DDX5: variants seen among roughly 807,000 people sequenced by gnomAD.
The protein encoded by DDX5 is probable ATP-dependent RNA helicase DDX5.
A neutral mutation model predicts 68.6 loss-of-function variants in DDX5; 6 were observed. That is an observed-to-expected ratio of 0.09 (90% CI 0.05 to 0.17). The LOEUF (loss-of-function observed/expected upper bound fraction) is 0.17, where lower values mean the gene tolerates loss of function less well. Among genes scored for constraint, DDX5 ranks in the 10% least tolerant of loss-of-function variants. The pLI, the probability that DDX5 is intolerant of heterozygous loss-of-function variation, is 1.00. For synonymous variants in DDX5, 350 were observed against 247.0 expected (o/e 1.42, Z -3.91); for missense variants, 499 against 756.1 (o/e 0.66, Z 3.99).
rs782568170 is a variant in DDX5 at position 64,504,680 on chromosome 17, T to C, written c.207A>G (p.Thr69=). The C allele has an allele frequency of 1.3e-5, 21 of 1,611,904 alleles. No homozygotes were observed. The highest frequency in any genetic ancestry group is 1.8e-5 in the Non-Finnish European group (21 of 1,179,272). The stretch of plus-strand genomic sequence containing the variant: ...GAAGCCACATGAATTTACTCACTGC[T>C]GTGCGCCTAGCCAAATCAGGGTGCT... The part of the protein sequence containing the change: ...YQEHPDLARR[T]AQEVETYRRS... The change falls in exon 2 of 13, where the codon ACA becomes ACG. Residue 69 remains threonine, a synonymous_variant. Transcript: ENST00000225792.
At position 64,503,323 on chromosome 17, in the gene DDX5, A is replaced by C. The variant is rs201938017; in HGVS notation, c.675T>G (p.Pro225=). 2 of 1,614,260 alleles carry C rather than the reference A, an allele frequency of 1.2e-6. No homozygotes were observed. Among genetic ancestry groups the C allele is most frequent in the African/African-American group, 2.7e-5 (2 of 75,068 alleles). The part of the protein sequence containing the change: ...ERGVEICIAT[P]GRLIDFLECG... ...ACTCTAAAAAGTCAATCAGTCTTCC[A>C]GGTGTTGCAATACAGATTTCCACAC... The change falls in exon 7 of 13, where the codon CCT becomes CCG. Residue 225 remains proline, a synonymous_variant. Transcript: ENST00000225792.
At chr17:64,504,550 C>A (rs1232468153) in intron 2 of DDX5, 127 bp downstream of exon 2, 2 of 1,197,094 alleles carry the variant, frequency 1.7e-6, no homozygotes, top group African/African-American at 3.1e-5. Context: ...TCACACCTTT[C>A]CCAATTATGA....
Position 64,503,813 on chromosome 17 carries a change from T to C in DDX5, c.497A>G (p.Asp166Gly), listed in dbSNP as rs1555671553. Reference sequence around the variant, plus strand: ...AAAATATATACTTACAATAGGCCCATCGCCTCTCTCTAGGAATGGCTGATG... The same window carrying C: ...AAAATATATACTTACAATAGGCCCACCGCCTCTCTCTAGGAATGGCTGATG... ...INHQPFLERG[D>G]GPICLVLAPT... is the part of the protein sequence containing the mutation. Residue 166 changes from aspartate to glycine, a missense_variant, in exon 5 of 13, where the codon GAT (aspartate) becomes GGT (glycine). Around this residue, in one of 5 missense-constraint regions of DDX5, gnomAD observed 141 missense variants for 279.8 expected, o/e 0.50. Transcript: ENST00000225792. The C allele has an allele frequency of 1.2e-6, 2 of 1,614,122 alleles. No homozygotes were observed. The highest frequency in any genetic ancestry group is 1.7e-6 in the Non-Finnish European group (2 of 1,179,972).
At chr17:64,504,547 T>C in intron 2 of DDX5, 130 bp downstream of exon 2, 1 of 1,184,288 alleles carries the variant, frequency 8.4e-7, no homozygotes, top group Non-Finnish European at 1.2e-6. Flanking sequence ...GAGTCACACC[T>C]TTCCCAATTA....
rs1189685283 is a variant in DDX5, at chr17:64,499,183, G to T, written c.*740C>A. Among the ~76,000 whole-genome samples, 1 of 152,158 alleles carries T rather than the reference G, an allele frequency of 6.6e-6. No homozygotes were observed. Among genetic ancestry groups the T allele is most frequent in the Non-Finnish European group, 1.5e-5 (1 of 68,036 alleles). Reference sequence around the variant, plus strand: ...TTTCAGTAATTCACAGTATAGCCAAGAGCATGAGTATAAGTCTCTTGAAAA... The same window carrying T: ...TTTCAGTAATTCACAGTATAGCCAATAGCATGAGTATAAGTCTCTTGAAAA... On this transcript the variant is annotated 3_prime_UTR_variant, in exon 13 of 13. Coordinates refer to ENST00000225792, the MANE Select transcript of DDX5 (RefSeq NM_004396.5).
chr17:64,499,840 T>G lies in DDX5; in HGVS notation c.*83A>C. ...GCAGTCATTTCTGCAATTCCCATGT[T>G]TCTTAAATAACTATCTTGTCAGATA... On this transcript the variant is annotated 3_prime_UTR_variant, in exon 13 of 13. Transcript: ENST00000225792. 1 of 1,330,142 alleles carries G rather than the reference T, an allele frequency of 7.5e-7. No individual in the cohort carries two copies. Among genetic ancestry groups the G allele is most frequent in the Non-Finnish European group, 1.0e-6 (1 of 997,024 alleles). 82.4% of individuals were successfully genotyped at this position (1,330,142 alleles called of 1,614,324 possible).
At position 64,498,791 on chromosome 17, in the gene DDX5, C is replaced by T. The variant is rs559325892; in HGVS notation, c.*1132G>A. Among the ~76,000 whole-genome samples, 38 of 152,228 alleles carry T rather than the reference C, an allele frequency of 2.5e-4. No homozygotes were observed. The South Asian group carries it at 7.0e-3, about 28-fold the overall frequency. ...TGATTAGAAAGTTACGTTGGTGAGC[C>T]GAAGTTAAACCTAAAGCTATCCCCT... On this transcript the variant is annotated 3_prime_UTR_variant, in exon 13 of 13. Transcript: ENST00000225792.
At chr17:64,506,014 A>G (rs1391421625) in intron 1 of DDX5, 62 bp downstream of exon 1, 2 of 1,531,916 alleles carry the variant, frequency 1.3e-6, no homozygotes, top group Non-Finnish European at 1.8e-6. Context: ...GCCGGCCGCC[A>G]CCCTGACCCG....
In DDX5 at chr17:64,504,366, A is replaced by G. The variant is rs2038372721; in HGVS notation, c.211-48T>C. 3 of 1,480,058 alleles carry G rather than the reference A, an allele frequency of 2.0e-6. No individual in the cohort carries two copies. The East Asian group carries it at 6.8e-5, about 33-fold the overall frequency. The allele number at this position is 1,480,058 out of a possible 1,614,324, so 91.7% of individuals were successfully genotyped here. On this transcript the variant is annotated intron_variant, in intron 2 of 12. Transcript: ENST00000225792. ...CTTAAAATTCATGACAACCACCCCTAGCTAAATACGTAATTGATAAGCCCC... is the reference window on the plus strand; with the variant it reads ...CTTAAAATTCATGACAACCACCCCTGGCTAAATACGTAATTGATAAGCCCC...
chr17:64,505,607 G>A (rs911319903), intron 1 of DDX5: 7 of 909,586 alleles, frequency 7.7e-6, no homozygotes, highest in African/African-American at 1.7e-5. Context: ...GTCCGAGGCC[G>A]GCATTTTGTA....
rs1207091554 is a variant in DDX5 at position 64,504,743 on chromosome 17, A to G, written c.144T>C (p.Leu48=). The change falls in exon 2 of 13, where the codon CTT becomes CTC. Residue 48 remains leucine, a synonymous_variant. Coordinates refer to ENST00000225792, the MANE Select transcript of DDX5 (RefSeq NM_004396.5). ...TCTTCTCAAATTTAGGCAGCTCATC[A>G]AGATTCCACTTCTTTTTAACTAATT... The part of the protein sequence containing the change: ...GEKLVKKKWN[L]DELPKFEKNF... 5.6e-6 allele frequency: 9 copies of G among 1,614,162 alleles called. No individual in the cohort carries two copies. Among genetic ancestry groups the G allele is most frequent in the Non-Finnish European group, 7.6e-6 (9 of 1,180,030 alleles).
In DDX5 at chr17:64,500,599, T is replaced by G; in HGVS notation, c.1391A>C (p.Asn464Thr). The G allele has an allele frequency of 6.2e-7, 1 of 1,614,196 alleles. No homozygotes were observed. Among genetic ancestry groups the G allele is most frequent in the Non-Finnish European group, 8.5e-7 (1 of 1,180,024 alleles). ...AAGCAACTTGGGATTAATTGCTTGA[T>G]TAGCTTCACGAAGCACAGAGATAAG... is the stretch of plus-strand genomic sequence containing the variant. ...SDLISVLREA[N>T]QAINPKLLQL... The change falls in exon 12 of 13, where the codon AAT (asparagine) becomes ACT (threonine). Residue 464 changes from asparagine to threonine, a missense_variant. This residue lies in a region of DDX5 where 21 missense variants were observed against 37.6 expected (regional missense o/e 0.56). Coordinates refer to ENST00000225792, the MANE Select transcript of DDX5 (RefSeq NM_004396.5).
At chr17:64,502,832 C>T in intron 8 of DDX5, 94 bp downstream of exon 8, 3 of 1,284,988 alleles carry the variant, frequency 2.3e-6, no homozygotes, top group Non-Finnish European at 3.2e-6. Flanking sequence ...ATCACACCAA[C>T]TGAAATAACC....
At chr17:64,505,725 A>C (rs1305462991) in intron 1 of DDX5, 2 of 1,535,704 alleles carry the variant, frequency 1.3e-6, no homozygotes, top group Non-Finnish European at 1.7e-6. Context: ...CACCCCAAAA[A>C]CACCTCCCGA....
At chr17:64,502,353 G>GA (rs2038317983) in intron 9 of DDX5, 86 bp downstream of exon 9, 2 of 1,446,916 alleles carry the variant, frequency 1.4e-6, no homozygotes, top group Non-Finnish European at 1.9e-6. Context: ...TATCAGATAT[G>GA]AAAAAAATCC....
At position 64,502,985 on chromosome 17, in the gene DDX5, A is replaced by G. The variant is rs782484858; in HGVS notation, c.924T>C (p.Ser308=). The G allele has an allele frequency of 3.1e-6, 5 of 1,613,460 alleles. No homozygotes were observed. The highest frequency in any genetic ancestry group is 1.7e-5 in the Admixed American group (1 of 59,882). ...IHINIGALEL[S]ANHNILQIVD... The stretch of plus-strand genomic sequence containing the variant: ...CAATCTGAAGAATGTTGTGGTTTGC[A>G]CTCAGTTCAAGTGCACCAATGTTTA... Residue 308 remains serine, a synonymous_variant, in exon 8 of 13, where the codon AGT becomes AGC. Transcript: ENST00000225792.
chr17:64,502,237 C>A lies in DDX5; in HGVS notation c.1095-14G>T, dbSNP rs782230372. 3 of 1,613,472 alleles carry A rather than the reference C, an allele frequency of 1.9e-6. No homozygotes were observed. Among genetic ancestry groups the A allele is most frequent in the Non-Finnish European group, 2.5e-6 (3 of 1,179,906 alleles). On this transcript the variant is annotated splice_polypyrimidine_tract_variant and intron_variant, in intron 9 of 12. Coordinates refer to ENST00000225792, the MANE Select transcript of DDX5 (RefSeq NM_004396.5). ...ATGGCAGGCCACCTAAGTTAAAAGA[C>A]AAGTTGTGTTATTAAACTCACATTG...
rs1555671473 is a variant in DDX5 at position 64,503,463 on chromosome 17, G to A, written c.616C>T (p.Pro206Ser). The stretch of plus-strand genomic sequence containing the variant: ...AAATCACGTATTTGTGGTCCCTTAG[G>A]AGCACCACCGTAGATACAAGTAGAC... ...LKSTCIYGGA[P>S]KGPQIRDLER... Residue 206 changes from proline to serine, a missense_variant, in exon 6 of 13, where the codon CCT (proline) becomes TCT (serine). Pro to Ser is a moderately conservative substitution (Grantham distance 74, BLOSUM62 -1). Coordinates refer to ENST00000225792, the MANE Select transcript of DDX5 (RefSeq NM_004396.5). 1 of 1,614,092 alleles carries A rather than the reference G, an allele frequency of 6.2e-7. No homozygotes were observed. The highest frequency in any genetic ancestry group is 8.5e-7 in the Non-Finnish European group (1 of 1,180,016).
chr17:64,504,391 C>G, intron 2 of DDX5, 73 bp from the exon 3 acceptor site: 4 of 1,309,260 alleles, frequency 3.1e-6, no homozygotes, highest in Non-Finnish European at 4.4e-6. Context: ...TGATAAGCCC[C>G]TAACTTCATA....
Sources: allele counts gnomAD v4.1 joint callset (sites outside exome capture counted in the v4.1 genomes callset), GRCh38; gene constraint gnomAD v4.1.1; regional missense constraint gnomAD v4.1.1; transcripts MANE v1.5; gene names NCBI Gene and HGNC (gene_info 2026-07-23, HGNC 2026-07-21).